COX7A2L: variants seen among roughly 807,000 people sequenced by gnomAD.
COX7A2L encodes cytochrome c oxidase subunit 7A2 like.
Under a neutral mutation model 14.2 loss-of-function variants are expected in COX7A2L, and 18 were observed. The ratio of observed to expected loss-of-function variants is 1.27; its 90% CI spans 0.88 to 1.88. COX7A2L has a LOEUF of 1.88. Ranked by LOEUF, COX7A2L falls within the 40% of genes most tolerant of loss-of-function variation. The pLI is 0.00. For missense variants in COX7A2L, 179 were observed against 138.8 expected (o/e 1.29, Z -1.46); for synonymous variants, 65 against 57.4 (o/e 1.13, Z -0.60).
chr2:42,340,273 CTG>C (rs1261974961), intron 2 of COX7A2L, among the ~76,000 whole-genome samples: 1 of 152,206 alleles, frequency 6.6e-6, no homozygotes, highest in Non-Finnish European at 1.5e-5. Flanking sequence ...AGTTGTCACA[CTG>C]AGTTCACTCT....
At chr2:42,336,449 A>T (rs1212878675) in intron 2 of COX7A2L, among the ~76,000 whole-genome samples, 3 of 152,064 alleles carry the variant, frequency 2.0e-5, no homozygotes, top group African/African-American at 7.2e-5. Flanking sequence ...GAAGAAAGTG[A>T]GTGCCCGAAG....
chr2:42,364,570 G>A (rs1348978906), upstream of COX7A2L, among the ~76,000 whole-genome samples: 1 of 152,154 alleles, frequency 6.6e-6, no homozygotes, highest in Non-Finnish European at 1.5e-5. Flanking sequence ...TATTCAGAAT[G>A]ATGACACCTG....
chr2:42,339,195 T>A lies in COX7A2L; in HGVS notation c.193-5326A>T, dbSNP rs534109877. Among the ~76,000 whole-genome samples, 9 of 152,352 alleles carry A rather than the reference T, an allele frequency of 5.9e-5. No individual in the cohort carries two copies. The highest frequency in any genetic ancestry group is 3.3e-4 in the Admixed American group (5 of 15,308). Reference sequence around the variant, plus strand: ...AATTTTAGTAGTTAATTACTTTTTTTATTAACCATTATCAAGTTTAAACAC... The same window carrying A: ...AATTTTAGTAGTTAATTACTTTTTTAATTAACCATTATCAAGTTTAAACAC... On this transcript the variant is annotated intron_variant, in intron 2 of 2. Coordinates refer to the COX7A2L transcript ENST00000468711. This position sits in a 1 kb window ranked among gnomAD's most constrained non-coding sequence, Gnocchi z 5.4.
chr2:42,362,820 T>A (rs1291801557), upstream of COX7A2L, among the ~76,000 whole-genome samples: 1 of 151,706 alleles, frequency 6.6e-6, no homozygotes, highest in African/African-American at 2.4e-5. Context: ...TGGGTTTATG[T>A]CCATATTTCT....
In COX7A2L at chr2:42,351,017, A is replaced by T; in HGVS notation, c.*202T>A. ...ACACAGAGCAAAGCACCATTTCTTTAAACAATGGCTTTAACTGTCGAATGA... is the reference window on the plus strand; with the variant it reads ...ACACAGAGCAAAGCACCATTTCTTTTAACAATGGCTTTAACTGTCGAATGA... On this transcript the variant is annotated 3_prime_UTR_variant, in exon 3 of 3. Coordinates refer to ENST00000234301, the MANE Select transcript of COX7A2L (RefSeq NM_004718.4). The T allele has an allele frequency of 1.9e-6, 1 of 528,334 alleles. No homozygotes were observed. The allele number at this position is 528,334 out of a possible 1,614,324, so 32.7% of individuals were successfully genotyped here. A position where few individuals can be genotyped will look rare whatever the true frequency, so the allele number is the denominator to read the frequency against.
intron 2 of COX7A2L, among the ~76,000 whole-genome samples, chr2:42,341,190 C>T (rs772479471): frequency 6.6e-6 from 1 of 152,102 alleles, no homozygotes; most frequent in Non-Finnish European, 1.5e-5. Context: ...CTGCTGTGGC[C>T]ACTAGACAGG....
In COX7A2L at chr2:42,351,100, C is replaced by T; in HGVS notation, c.*119G>A. On this transcript the variant is annotated 3_prime_UTR_variant, in exon 3 of 3. Coordinates refer to ENST00000234301, the MANE Select transcript of COX7A2L (RefSeq NM_004718.4). ...ACCAAAACATCATCTTCATATCTTC[C>T]TATTTTTCTTGCAAAAATGTTAAGC... is the stretch of plus-strand genomic sequence containing the variant. 9.0e-7 allele frequency: 1 copy of T among 1,112,722 alleles called. No individual in the cohort carries two copies. The highest frequency in any genetic ancestry group is 1.9e-5 in the South Asian group (1 of 52,028). The allele number at this position is 1,112,722 out of a possible 1,614,324, so 68.9% of individuals were successfully genotyped here.
At chr2:42,358,928 C>T (rs1670922189) in intron 1 of COX7A2L, among the ~76,000 whole-genome samples, 2 of 152,054 alleles carry the variant, frequency 1.3e-5, no homozygotes, top group South Asian at 4.1e-4. Flanking sequence ...CCGGGGAGTT[C>T]GAGATCAGGC....
At chr2:42,354,031 G>C (rs1390560664) in intron 1 of COX7A2L, among the ~76,000 whole-genome samples, 1 of 152,204 alleles carries the variant, frequency 6.6e-6, no homozygotes, top group Non-Finnish European at 1.5e-5. Flanking sequence ...AGCAAAGTCA[G>C]AAGAGGGAAC....
chr2:42,351,086 ATCT>A lies in COX7A2L; in HGVS notation c.*130_*132del, dbSNP rs1208650886. ...CATTTCATAAACAAACCAAAACATC[ATCT>A]TCATATCTTCCTATTTTTCTTGCAA... On this transcript the variant is annotated 3_prime_UTR_variant, in exon 3 of 3. Coordinates refer to ENST00000234301, the MANE Select transcript of COX7A2L (RefSeq NM_004718.4). 2 of 995,884 alleles carry A rather than the reference ATCT, an allele frequency of 2.0e-6. No individual in the cohort carries two copies. The highest frequency in any genetic ancestry group is 3.1e-5 in the Admixed American group (1 of 32,254). The allele number at this position is 995,884 out of a possible 1,614,324, so 61.7% of individuals were successfully genotyped here. A position where few individuals can be genotyped will look rare whatever the true frequency, so the allele number is the denominator to read the frequency against.
intron 2 of COX7A2L, among the ~76,000 whole-genome samples, chr2:42,340,610 A>C (rs1174617888): frequency 6.7e-6 from 1 of 149,408 alleles, no homozygotes; most frequent in East Asian, 2.0e-4. Flanking sequence ...CTTCTCCCCG[A>C]CCCCCCAGGC....
intron 1 of COX7A2L, chr2:42,359,045 T>A (rs1352321144): frequency 6.6e-6 from 1 of 152,082 alleles, no homozygotes; most frequent in Non-Finnish European, 1.5e-5. Context: ...TAAAATGAAA[T>A]CCCACAGAAG....
upstream of COX7A2L, among the ~76,000 whole-genome samples, chr2:42,362,762 C>A (rs1671086535): frequency 6.6e-6 from 1 of 151,982 alleles, no homozygotes; most frequent in Non-Finnish European, 1.5e-5. Flanking sequence ...CCCAAAGTTG[C>A]CACTTTTACA....
intron 2 of COX7A2L, among the ~76,000 whole-genome samples, chr2:42,343,124 T>C (rs1282889891): frequency 6.6e-6 from 1 of 152,082 alleles, no homozygotes; most frequent in Non-Finnish European, 1.5e-5. Context: ...CCTGACCTGC[T>C]ACCACCAAGG....
chr2:42,343,014 C>T (rs1196498569), intron 2 of COX7A2L, among the ~76,000 whole-genome samples: 1 of 152,110 alleles, frequency 6.6e-6, no homozygotes, highest in East Asian at 1.9e-4. Flanking sequence ...AGTGATCGTC[C>T]CACTCCCCTC....
chr2:42,337,425 A>G (rs947347084), intron 2 of COX7A2L, among the ~76,000 whole-genome samples: 1 of 152,212 alleles, frequency 6.6e-6, no homozygotes, highest in Non-Finnish European at 1.5e-5. Flanking sequence ...CTACAGAGAC[A>G]GAGAAAAGAC....
chr2:42,354,982 A>G (rs536411492), intron 1 of COX7A2L, among the ~76,000 whole-genome samples: 10 of 152,374 alleles, frequency 6.6e-5, no homozygotes, highest in Non-Finnish European at 1.0e-4. Flanking sequence ...AACACTGGAG[A>G]GAGAATAACT....
At chr2:42,337,393 C>A (rs1204775212) in intron 2 of COX7A2L, among the ~76,000 whole-genome samples, 1 of 152,156 alleles carries the variant, frequency 6.6e-6, no homozygotes, top group South Asian at 2.1e-4. Flanking sequence ...CCCATTGATA[C>A]ACCATTCTTG....
chr2:42,337,898 G>T (rs1425140859), intron 2 of COX7A2L, among the ~76,000 whole-genome samples: 1 of 152,182 alleles, frequency 6.6e-6, no homozygotes, highest in South Asian at 2.1e-4. Context: ...GAGGCAGTGC[G>T]GACCGTGGGA....
Sources: gnomAD v4.1 joint callset for allele counts (sites outside exome capture counted in the v4.1 genomes callset) on GRCh38, gnomAD v4.1.1 for gene constraint, Gnocchi (gnomAD v3.1) non-coding constraint, MANE v1.5 for transcripts, NCBI Gene and HGNC (gene_info 2026-07-23, HGNC 2026-07-21) for gene names.